Variants in CTDP1 observed in about 807,000 individuals in gnomAD.
CTDP1 encodes CTD phosphatase 1, also known as RNA polymerase II subunit A C-terminal domain phosphatase.
Under a neutral mutation model 91.8 loss-of-function variants are expected in CTDP1, and 47 were observed. The observed-to-expected ratio is 0.51, with a 90% CI of 0.41 to 0.65. CTDP1 has a LOEUF of 0.65. CTDP1 is among the 30% of genes least tolerant of loss of function. CTDP1 has a pLI of 0.00. For synonymous variants in CTDP1, 656 were observed against 598.5 expected (o/e 1.10, Z -1.40); for missense variants, 1,272 against 1,373.7 (o/e 0.93, Z 1.17).
intron 1 of CTDP1, among the ~76,000 whole-genome samples, chr18:79,686,200 A>C (rs1279629704): frequency 6.6e-6 from 1 of 152,196 alleles, no homozygotes; most frequent in Non-Finnish European, 1.5e-5. Context: ...TGTAGGTTTC[A>C]GAAATTTTGT....
chr18:79,713,846 G>A lies in CTDP1; in HGVS notation c.1031-645G>A, dbSNP rs2086131987. ...TGGCCATGGTGGTGCCAGGTCATCC[G>A]GGGCTTACAGTCACGGTGGCGCCAG... is the stretch of plus-strand genomic sequence containing the variant. On this transcript the variant is annotated intron_variant, in intron 7 of 12. Transcript: ENST00000613122. The surrounding 1 kb of genome is among the most constrained non-coding windows in gnomAD (Gnocchi z 4.7). 1.3e-5 allele frequency among the ~76,000 whole-genome samples: 2 copies of A among 152,030 alleles called. No individual in the cohort carries two copies. Among genetic ancestry groups the A allele is most frequent in the Non-Finnish European group, 1.5e-5 (1 of 68,010 alleles).
At chr18:79,735,346 C>G (rs902153698) in intron 11 of CTDP1, among the ~76,000 whole-genome samples, 1 of 152,208 alleles carries the variant, frequency 6.6e-6, no homozygotes, top group Non-Finnish European at 1.5e-5. Context: ...CCCGCCTCAC[C>G]TGCCTGTCTC....
intron 10 of CTDP1, among the ~76,000 whole-genome samples, chr18:79,722,580 G>A (rs1442633993): frequency 2.0e-5 from 3 of 152,222 alleles, no homozygotes; most frequent in East Asian, 3.8e-4. Context: ...GGCTGCAGCA[G>A]CGGGCCCCCT....
At chr18:79,691,183 C>T (rs1236349642) in intron 1 of CTDP1, among the ~76,000 whole-genome samples, 1 of 152,202 alleles carries the variant, frequency 6.6e-6, no homozygotes, top group Non-Finnish European at 1.5e-5. Flanking sequence ...GTCTTGCAGT[C>T]GCTCTCGTCT....
intron 10 of CTDP1, among the ~76,000 whole-genome samples, chr18:79,723,564 T>C (rs2086388109): frequency 6.6e-6 from 1 of 152,040 alleles, no homozygotes; most frequent in African/African-American, 2.4e-5. Context: ...TGGGGGTGAG[T>C]GGGAACATTC....
intron 12 of CTDP1, among the ~76,000 whole-genome samples, chr18:79,750,260 A>T (rs1370942475): frequency 1.3e-5 from 2 of 151,820 alleles, no homozygotes; most frequent in Non-Finnish European, 2.9e-5. Flanking sequence ...GCCCAGGCTC[A>T]CTGCAGCCTC....
Position 79,704,905 on chromosome 18 carries a change from C to T in CTDP1, c.760C>T (p.His254Tyr). Residue 254 changes from histidine to tyrosine, a missense_variant, in exon 5 of 13, where the codon CAC (histidine) becomes TAC (tyrosine). Physicochemically the swap from His to Tyr is moderately conservative, Grantham distance 83 (BLOSUM62 2). Coordinates refer to ENST00000613122, the MANE Select transcript of CTDP1 (RefSeq NM_004715.5). ...VFTFGSRLYAHTIAGFLDPEK... is the reference protein window; with the variant it reads ...VFTFGSRLYAYTIAGFLDPEK... ...CACCTTCGGCAGCCGGCTGTACGCA[C>T]ACACCATCGCAGGTCAGTCAAGCCG... The T allele has an allele frequency of 6.2e-7, 1 of 1,613,270 alleles. No individual in the cohort carries two copies. The highest frequency in any genetic ancestry group is 8.5e-7 in the Non-Finnish European group (1 of 1,180,052).
chr18:79,714,384 G>A (rs2086149679), intron 7 of CTDP1, 107 bp from the exon 8 acceptor site: 5 of 1,302,438 alleles, frequency 3.8e-6, no homozygotes, highest in Non-Finnish European at 5.5e-6. Flanking sequence ...CTGGTCTAGA[G>A]GGTGGTGGAC....
At chr18:79,695,349 C>G (rs763762595) in intron 2 of CTDP1, 41 bp downstream of exon 2, 5 of 1,586,482 alleles carry the variant, frequency 3.2e-6, no homozygotes, top group African/African-American at 2.7e-5. Flanking sequence ...TGCTGGGGCT[C>G]GAGGTGGTGG....
intron 12 of CTDP1, among the ~76,000 whole-genome samples, chr18:79,743,670 TGAG>T (rs2086826563): frequency 6.6e-6 from 1 of 151,916 alleles, no homozygotes; most frequent in Non-Finnish European, 1.5e-5. Flanking sequence ...AAGCACAAAG[TGAG>T]GAGGGGCTGA....
chr18:79,680,375 A>G (rs770627753), intron 1 of CTDP1, 114 bp downstream of exon 1: 138 of 855,498 alleles, frequency 1.6e-4, no homozygotes, highest in Admixed American at 2.7e-4. Flanking sequence ...TGAGGGAGCG[A>G]TAAAGCGGGA....
At chr18:79,684,730 TAAA>T (rs1298497995) in intron 1 of CTDP1, among the ~76,000 whole-genome samples, 7 of 152,256 alleles carry the variant, frequency 4.6e-5, no homozygotes, top group Admixed American at 4.6e-4. Context: ...TCTGGGAACT[TAAA>T]AACACTGCAT....
intron 12 of CTDP1, among the ~76,000 whole-genome samples, chr18:79,746,203 GGTTCTGTCCCCGCGTCCCTCCCGTGCGC>G (rs2086874545): frequency 7.7e-5 from 1 of 13,032 alleles, no homozygotes; most frequent in African/African-American, 3.0e-4. Context: ...CTCCCGTGCG[GGTTCTGTCCCCGCGTCCCTCCCGTGCGC>G]GTTCTGACCC....
At chr18:79,725,454 C>T (rs1320227477) in intron 10 of CTDP1, among the ~76,000 whole-genome samples, 3 of 152,108 alleles carry the variant, frequency 2.0e-5, no homozygotes, top group Non-Finnish European at 2.9e-5. Flanking sequence ...CAGGGCTTTT[C>T]ACAGGACCTG....
At chr18:79,733,277 G>C (rs2086601202) in intron 11 of CTDP1, among the ~76,000 whole-genome samples, 1 of 151,926 alleles carries the variant, frequency 6.6e-6, no homozygotes, top group South Asian at 2.1e-4. Flanking sequence ...CCTCGGCACA[G>C]GACGGGTGTG....
At chr18:79,728,021 C>T (rs1365637858) in intron 10 of CTDP1, among the ~76,000 whole-genome samples, 2 of 152,200 alleles carry the variant, frequency 1.3e-5, no homozygotes, top group African/African-American at 2.4e-5. Flanking sequence ...ATCCTTGAAA[C>T]AGAAGATTGG....
chr18:79,706,928 C>A lies in CTDP1; in HGVS notation c.772+2011C>A, dbSNP rs368604725. ...GGATGCCAGTGATGTTTCTTCTCCT[C>A]CTGTCCCGTCTTCCATACGTTGATC... On this transcript the variant is annotated intron_variant, in intron 5 of 12. Transcript: ENST00000613122. Among the ~76,000 whole-genome samples, 27 of 152,390 alleles carry A rather than the reference C, an allele frequency of 1.8e-4. No homozygotes were observed. The East Asian group carries it at 3.1e-3, about 17-fold the overall frequency.
intron 12 of CTDP1, among the ~76,000 whole-genome samples, chr18:79,752,098 T>C (rs1404327304): frequency 6.6e-6 from 1 of 152,276 alleles, no homozygotes; most frequent in Non-Finnish European, 1.5e-5. Context: ...GGTTGGAATT[T>C]CAGGGCTCTG....
chr18:79,705,208 CCTT>C (rs1355384417), intron 5 of CTDP1, among the ~76,000 whole-genome samples: 1 of 152,140 alleles, frequency 6.6e-6, no homozygotes, highest in Non-Finnish European at 1.5e-5. Flanking sequence ...CCGACAGATA[CCTT>C]CTTAAATCAG....
Sources: gnomAD v4.1 joint callset for allele counts (sites outside exome capture counted in the v4.1 genomes callset) on GRCh38, gnomAD v4.1.1 for gene constraint, Gnocchi (gnomAD v3.1) non-coding constraint, MANE v1.5 for transcripts, NCBI Gene and HGNC (gene_info 2026-07-23, HGNC 2026-07-21) for gene names.